POU3F3: variants seen among roughly 807,000 people sequenced by gnomAD.
The protein encoded by POU3F3 is POU domain, class 3, transcription factor 3.
A neutral mutation model predicts 8.6 loss-of-function variants in POU3F3; 1 was observed. The observed-to-expected ratio is 0.12, with a 90% CI of 0.04 to 0.55. The LOEUF (loss-of-function observed/expected upper bound fraction) is 0.55, where lower values mean the gene tolerates loss of function less well. Ranked by LOEUF, POU3F3 falls within the 20% of genes least tolerant of loss-of-function variation. The probability of loss-of-function intolerance (pLI) is 0.91; values close to 1 mark genes in which losing one functional copy is unlikely to be tolerated. For synonymous variants in POU3F3, 418 were observed against 327.4 expected (o/e 1.28, Z -2.99); for missense variants, 577 against 690.7 (o/e 0.84, Z 1.84).
chr2:104,860,039 G>C (rs1676636386), downstream of POU3F3, among the ~76,000 whole-genome samples: 1 of 152,208 alleles, frequency 6.6e-6, no homozygotes, highest in Non-Finnish European at 1.5e-5. Context: ...TATGGGAATG[G>C]TGGTGGTTGA....
At chr2:104,875,787 G>A in the POU3F3 span, among the ~76,000 whole-genome samples, 1 of 152,256 alleles carries the variant, frequency 6.6e-6, no homozygotes, top group South Asian at 2.1e-4. Context: ...TGCAGTCTCG[G>A]CTCATTGCAA....
chr2:104,916,141 ACTGT>A, the POU3F3 span, among the ~76,000 whole-genome samples: 83 of 152,280 alleles, frequency 5.5e-4, no homozygotes, highest in Non-Finnish European at 9.4e-4. Context: ...AACACAGAAG[ACTGT>A]CTAATTCTCA....
the POU3F3 span, chr2:104,872,666 C>A: frequency 1.1e-5 from 3 of 273,908 alleles, no homozygotes; most frequent in Non-Finnish European, 2.1e-5. The surrounding 1 kb of genome is among the most constrained non-coding windows in gnomAD (Gnocchi z 4.6). Context: ...GGCCCGCGTG[C>A]AGCATTAAAT....
the POU3F3 span, among the ~76,000 whole-genome samples, chr2:104,880,107 G>A: frequency 6.6e-6 from 1 of 152,090 alleles, no homozygotes; most frequent in Non-Finnish European, 1.5e-5. Context: ...TGCTACCTTA[G>A]AGCTTATTCT....
the POU3F3 span, among the ~76,000 whole-genome samples, chr2:104,896,088 C>T: frequency 2.6e-5 from 4 of 152,152 alleles, no homozygotes; most frequent in African/African-American, 9.7e-5. Context: ...AACGTGGATA[C>T]CAGGATTTAG....
At position 104,855,751 on chromosome 2, in the gene POU3F3, G is replaced by T. The variant is rs750047437; in HGVS notation, c.241G>T (p.Ala81Ser). Residue 81 changes from alanine (A) to serine (S), a missense_variant, in exon 1 of 1, where the codon GCC (alanine) becomes TCC (serine). Coordinates refer to ENST00000361360, the MANE Select transcript of POU3F3 (RefSeq NM_006236.3). ...GGTCCAGAGCGACTTCATGCAGGGG[G>T]CCATGGCCGCCAGCAACGGCGGCCA... ...KMVQSDFMQG[A>S]MAASNGGHML... 6.1e-6 allele frequency: 8 copies of T among 1,319,608 alleles called. No homozygotes were observed. The African/African-American group carries it at 7.9e-5, about 13-fold the overall frequency. The allele number at this position is 1,319,608 out of a possible 1,614,324, so 81.7% of individuals were successfully genotyped here. A position where few individuals can be genotyped will look rare whatever the true frequency, so the allele number is the denominator to read the frequency against.
the POU3F3 span, among the ~76,000 whole-genome samples, chr2:104,888,860 C>T: frequency 6.6e-6 from 1 of 152,244 alleles, no homozygotes; most frequent in African/African-American, 2.4e-5. Context: ...TTAGTCAGTG[C>T]TTCCCAAATC....
the POU3F3 span, among the ~76,000 whole-genome samples, chr2:104,915,747 A>T: frequency 6.6e-6 from 1 of 151,840 alleles, no homozygotes; most frequent in Non-Finnish European, 1.5e-5. Context: ...AACATCTCGG[A>T]TGCAAATCGC....
the POU3F3 span, among the ~76,000 whole-genome samples, chr2:104,910,102 A>G: frequency 2.6e-4 from 40 of 152,330 alleles, no homozygotes; most frequent in South Asian, 8.1e-3. Flanking sequence ...TGACCAACCA[A>G]CAACTTGGCT....
chr2:104,884,799 A>T, the POU3F3 span, among the ~76,000 whole-genome samples: 1 of 152,182 alleles, frequency 6.6e-6, no homozygotes, highest in Non-Finnish European at 1.5e-5. Flanking sequence ...CGTCTTAGTG[A>T]TCGTCTTATT....
At chr2:104,923,488 G>A in the POU3F3 span, among the ~76,000 whole-genome samples, 2 of 152,046 alleles carry the variant, frequency 1.3e-5, no homozygotes, top group East Asian at 3.9e-4. Flanking sequence ...GGGATGTTAA[G>A]GGTAATCTTC....
the POU3F3 span, among the ~76,000 whole-genome samples, chr2:104,884,571 G>T: frequency 6.6e-6 from 1 of 152,198 alleles, no homozygotes; most frequent in African/African-American, 2.4e-5. Context: ...CAACACATCT[G>T]GCACTGCAGC....
the POU3F3 span, among the ~76,000 whole-genome samples, chr2:104,910,858 A>G: frequency 6.6e-6 from 1 of 152,230 alleles, no homozygotes; most frequent in South Asian, 2.1e-4. Context: ...AAAAAAGAAC[A>G]ATAAAAAGAC....
chr2:104,865,717 G>A, the POU3F3 span: 2 of 152,232 alleles, frequency 1.3e-5, no homozygotes, highest in Non-Finnish European at 2.9e-5. Flanking sequence ...GGTTTAGACA[G>A]GGAAACTTCC....
the POU3F3 span, among the ~76,000 whole-genome samples, chr2:104,913,416 C>A: frequency 6.6e-6 from 1 of 152,136 alleles, no homozygotes; most frequent in Admixed American, 6.5e-5. Flanking sequence ...GAAATTCTTT[C>A]TCAGGTGAAA....
downstream of POU3F3, among the ~76,000 whole-genome samples, chr2:104,860,804 CTTT>C (rs928192284): frequency 5.5e-5 from 2 of 36,290 alleles, no homozygotes; most frequent in Non-Finnish European, 1.0e-4. Context: ...AGGACTACTT[CTTT>C]GTTCCGAAGA....
chr2:104,883,817 G>C, the POU3F3 span, among the ~76,000 whole-genome samples: 1 of 152,170 alleles, frequency 6.6e-6, no homozygotes, highest in African/African-American at 2.4e-5. Flanking sequence ...CTTGTAAAAG[G>C]CTCCTTCACT....
In POU3F3 at chr2:104,854,266, C is replaced by T. The variant is rs900649056; in HGVS notation, c.-1245C>T. On this transcript the variant is annotated 5_prime_UTR_variant, in exon 1 of 1. Coordinates refer to ENST00000361360, the MANE Select transcript of POU3F3 (RefSeq NM_006236.3). This position sits in a 1 kb window ranked among gnomAD's most constrained non-coding sequence, Gnocchi z 4.5. ...CGCGAACGAGGGCGCAGAGCGAGCT[C>T]CTGCTGCAACTCTGCTCCAGCACGG... Among the ~76,000 whole-genome samples the T allele has an allele frequency of 2.0e-5, 3 of 152,110 alleles. No homozygotes were observed. Among genetic ancestry groups the T allele is most frequent in the African/African-American group, 7.2e-5 (3 of 41,414 alleles).
At position 104,854,180 on chromosome 2, in the gene POU3F3, G is replaced by A. The variant is rs1009749253; in HGVS notation, c.-1331G>A. On this transcript the variant is annotated 5_prime_UTR_variant, in exon 1 of 1. Coordinates refer to ENST00000361360, the MANE Select transcript of POU3F3 (RefSeq NM_006236.3). The surrounding 1 kb of genome is among the most constrained non-coding windows in gnomAD (Gnocchi z 4.5). ...AACTGTCAGATCGGAGCGAGAGCGG[G>A]CGCCCGAGAGAGGGAGAGAGAGAGA... Among the ~76,000 whole-genome samples the A allele has an allele frequency of 6.6e-6, 1 of 152,150 alleles. No individual in the cohort carries two copies. The highest frequency in any genetic ancestry group is 2.4e-5 in the African/African-American group (1 of 41,434).
Sources: gnomAD v4.1 joint callset for allele counts (sites outside exome capture counted in the v4.1 genomes callset) on GRCh38, gnomAD v4.1.1 for gene constraint, Gnocchi (gnomAD v3.1) non-coding constraint, MANE v1.5 for transcripts, NCBI Gene and HGNC (gene_info 2026-07-23, HGNC 2026-07-21) for gene names.